The following ME2 variants were observed in gnomAD, a reference collection of about 807,000 sequenced individuals.
The protein encoded by ME2 is NAD-dependent malic enzyme, mitochondrial.
ME2 carries 60 observed loss-of-function variants against 73.7 expected under a neutral mutation model. The observed-to-expected ratio is 0.81, with a 90% CI of 0.66 to 1.01. ME2 has a LOEUF of 1.01. Ranked by LOEUF, ME2 falls within the 50% of genes least tolerant of loss-of-function variation. The pLI, the probability that ME2 is intolerant of heterozygous loss-of-function variation, is 0.00. For missense variants in ME2, 594 were observed against 705.5 expected (o/e 0.84, Z 1.79); for synonymous variants, 199 against 236.9 (o/e 0.84, Z 1.47).
intron 10 of ME2, 23 bp from the exon 11 acceptor site, chr18:50,924,075 C>G (rs1029099599): frequency 1.4e-6 from 2 of 1,465,312 alleles, no homozygotes; most frequent in African/African-American, 2.8e-5. Flanking sequence ...TAAAAAAATA[C>G]TGTATTTTAT....
chr18:50,929,061 G>C (rs1338487976), intron 12 of ME2, among the ~76,000 whole-genome samples: 1 of 151,940 alleles, frequency 6.6e-6, no homozygotes, highest in South Asian at 2.1e-4. Flanking sequence ...ATTGTAACCA[G>C]AGGAAAATTT....
chr18:50,891,473 T>A (rs936804282), intron 1 of ME2, among the ~76,000 whole-genome samples: 3 of 152,162 alleles, frequency 2.0e-5, no homozygotes, highest in Non-Finnish European at 4.4e-5. Flanking sequence ...AGATGAGAGG[T>A]CTCTGCAAAA....
At chr18:50,904,718 G>A (rs927443388) in intron 2 of ME2, among the ~76,000 whole-genome samples, 2 of 152,026 alleles carry the variant, frequency 1.3e-5, no homozygotes, top group East Asian at 3.9e-4. Context: ...GCGCCTGGCC[G>A]ACATTATTTC....
chr18:50,940,494 G>A, intron 15 of ME2, 108 bp downstream of exon 15: 1 of 743,970 alleles, frequency 1.3e-6, no homozygotes, highest in Non-Finnish European at 2.2e-6. Flanking sequence ...CTGCAAAGAA[G>A]AAATTTTAGG....
At chr18:50,896,649 A>G (rs941409789) in intron 2 of ME2, among the ~76,000 whole-genome samples, 9 of 152,204 alleles carry the variant, frequency 5.9e-5, no homozygotes, top group African/African-American at 1.9e-4. Flanking sequence ...ATTGCAATAT[A>G]TGAAATTTAC....
chr18:50,912,987 T>C, intron 4 of ME2, 37 bp downstream of exon 4: 3 of 1,527,600 alleles, frequency 2.0e-6, no homozygotes, highest in South Asian at 1.3e-5. Flanking sequence ...TAAATGATTA[T>C]TGAATAAGGA....
chr18:50,936,766 C>T (rs1459154844), intron 13 of ME2, among the ~76,000 whole-genome samples: 1 of 151,932 alleles, frequency 6.6e-6, no homozygotes, highest in Non-Finnish European at 1.5e-5. Flanking sequence ...TCTCTACACA[C>T]ACAAAAAAAA....
intron 1 of ME2, among the ~76,000 whole-genome samples, chr18:50,887,986 G>C (rs767611149): frequency 1.6e-4 from 24 of 152,122 alleles, no homozygotes; most frequent in Non-Finnish European, 3.2e-4. Context: ...TGAAAAGATG[G>C]AATATCAGAA....
chr18:50,908,092 AAT>A lies in ME2; in HGVS notation c.139_140del (p.Met47AlafsTer23). ...GMAFTLQERQ[M>X]LGLQGLLPPK... ...TGGCATTTACTTTACAAGAACGACA[AAT>A]GCTTGGTCTTCAAGGACTTCTACCT... is the stretch of plus-strand genomic sequence containing the variant. On this transcript the variant is annotated frameshift_variant, in exon 3 of 16. Coordinates refer to ENST00000321341, the MANE Select transcript of ME2 (RefSeq NM_002396.5). LOFTEE classifies it high-confidence loss of function. 1 of 1,591,064 alleles carries A rather than the reference AAT, an allele frequency of 6.3e-7. No homozygotes were observed. The highest frequency in any genetic ancestry group is 8.6e-7 in the Non-Finnish European group (1 of 1,169,288).
intron 13 of ME2, chr18:50,933,030 T>C (rs1019670762): frequency 9.2e-5 from 14 of 152,244 alleles, no homozygotes; most frequent in African/African-American, 3.4e-4. Context: ...ATATCGTTTA[T>C]CATTACCTCA....
At chr18:50,897,437 T>C (rs1300967221) in intron 2 of ME2, among the ~76,000 whole-genome samples, 2 of 152,044 alleles carry the variant, frequency 1.3e-5, no homozygotes, top group African/African-American at 4.8e-5. Flanking sequence ...CTAAAGAAAA[T>C]AATGTCGGCC....
intron 5 of ME2, 123 bp downstream of exon 5, chr18:50,916,366 T>C (rs1396484540): frequency 1.4e-6 from 1 of 703,928 alleles, no homozygotes; most frequent in Non-Finnish European, 2.4e-6. Context: ...ACATGCAGAT[T>C]TAGTGCTTTG....
intron 1 of ME2, among the ~76,000 whole-genome samples, chr18:50,885,706 A>C (rs1916446033): frequency 6.6e-6 from 1 of 152,072 alleles, no homozygotes; most frequent in South Asian, 2.1e-4. Flanking sequence ...TGCTATAATT[A>C]ACATTATTAT....
At chr18:50,904,784 C>G (rs2144211734) in intron 2 of ME2, among the ~76,000 whole-genome samples, 1 of 152,154 alleles carries the variant, frequency 6.6e-6, no homozygotes, top group East Asian at 1.9e-4. Context: ...ACTTGTTTTT[C>G]TCTTTGTCTA....
chr18:50,882,085 A>C (rs1215966078), intron 1 of ME2, among the ~76,000 whole-genome samples: 1 of 152,030 alleles, frequency 6.6e-6, no homozygotes, highest in Admixed American at 6.6e-5. Flanking sequence ...TGCAACCTCA[A>C]CCTCCCATGC....
intron 1 of ME2, among the ~76,000 whole-genome samples, chr18:50,890,893 C>T (rs899722058): frequency 2.6e-5 from 4 of 152,142 alleles, no homozygotes; most frequent in South Asian, 2.1e-4. Flanking sequence ...TCTAGCATGG[C>T]CAGGAGGCAC....
At chr18:50,938,751 G>T (rs1917872645) in intron 13 of ME2, among the ~76,000 whole-genome samples, 1 of 152,224 alleles carries the variant, frequency 6.6e-6, no homozygotes, top group East Asian at 1.9e-4. Context: ...TGGAATGGGG[G>T]ACAACCAGAC....
rs895510984 is a variant in ME2, at chr18:50,954,215, T to C, written c.*7031T>C. 1 of 152,268 alleles carries C rather than the reference T, an allele frequency of 6.6e-6. No individual in the cohort carries two copies. The highest frequency in any genetic ancestry group is 2.4e-5 in the African/African-American group (1 of 41,474). The allele number at this position is 152,268 out of a possible 1,614,324, so 9.4% of individuals were successfully genotyped here. On this transcript the variant is annotated 3_prime_UTR_variant, in exon 16 of 16. Coordinates refer to ENST00000321341, the MANE Select transcript of ME2 (RefSeq NM_002396.5). ...TGTTGTGATATGTTGTAATGAGATG[T>C]GTGTTCTTATATTTTCTTAGTAAAA...
chr18:50,888,211 G>A (rs1916522054), intron 1 of ME2, among the ~76,000 whole-genome samples: 1 of 152,106 alleles, frequency 6.6e-6, no homozygotes, highest in South Asian at 2.1e-4. Flanking sequence ...TGGGCATGAT[G>A]GCACATGCCT....
Sources: allele counts gnomAD v4.1 joint callset (sites outside exome capture counted in the v4.1 genomes callset), GRCh38; gene constraint gnomAD v4.1.1; transcripts MANE v1.5; gene names NCBI Gene and HGNC (gene_info 2026-07-23, HGNC 2026-07-21).